The following ANGPT2 variants were observed in gnomAD, a reference collection of about 807,000 sequenced individuals.
ANGPT2 encodes angiopoietin-2.
A neutral mutation model predicts 62.9 loss-of-function variants in ANGPT2; 28 were observed. That is an observed-to-expected ratio of 0.44 (90% confidence interval 0.33 to 0.61). The LOEUF is 0.61. ANGPT2 is among the 20% of genes least tolerant of loss of function. The pLI is 0.03. For missense variants in ANGPT2, 727 were observed against 594.9 expected, an observed-to-expected ratio of 1.22 and a Z score of -2.31; for synonymous variants, 284 against 207.8, an observed-to-expected ratio of 1.37 and a Z score of -3.15.
At chr8:6,541,480 G>A (rs1253057256) in intron 1 of ANGPT2, among the ~76,000 whole-genome samples, 2 of 152,190 alleles carry the variant, frequency 1.3e-5, no homozygotes, top group African/African-American at 4.8e-5. Context: ...CAGGCCTGGA[G>A]ACAGGAAACC....
chr8:6,545,447 T>C (rs1250804732), intron 1 of ANGPT2, among the ~76,000 whole-genome samples: 1 of 152,228 alleles, frequency 6.6e-6, no homozygotes, highest in Admixed American at 6.5e-5. Context: ...TGGGTGGTTT[T>C]ATTTGTCTCT....
At chr8:6,532,148 A>G (rs1296876883) in intron 2 of ANGPT2, among the ~76,000 whole-genome samples, 184 bp downstream of exon 2, 1 of 152,140 alleles carries the variant, frequency 6.6e-6, no homozygotes, top group African/African-American at 2.4e-5. Context: ...AAAAACAAAA[A>G]CAGATTTACT....
chr8:6,514,727 G>A lies in ANGPT2; in HGVS notation c.979C>T (p.Arg327Cys), dbSNP rs1162368640. 6.2e-7 allele frequency: 1 copy of A among 1,613,836 alleles called. No homozygotes were observed. The highest frequency in any genetic ancestry group is 8.5e-7 in the Non-Finnish European group (1 of 1,180,014). The stretch of plus-strand genomic sequence containing the variant: ...TGAAAATCAACGCTGCCATCCTCAC[G>A]TCGCTGAATAATTGTCCACCCGCCT... The part of the protein sequence containing the change: ...GGGGWTIIQR[R>C]EDGSVDFQRT... The change falls in exon 6 of 9, where the codon CGT becomes TGT. Residue 327 changes from arginine to cysteine, a missense_variant. Coordinates refer to ENST00000629816, the MANE Select transcript of ANGPT2 (RefSeq NM_001118887.2).
At chr8:6,537,568 A>G (rs1338823898) in intron 1 of ANGPT2, among the ~76,000 whole-genome samples, 2 of 151,344 alleles carry the variant, frequency 1.3e-5, no homozygotes, top group East Asian at 1.9e-4. Context: ...ATATGTTTAC[A>G]TTAATATATA....
chr8:6,555,282 C>A (rs1377589279), intron 1 of ANGPT2, among the ~76,000 whole-genome samples: 1 of 152,150 alleles, frequency 6.6e-6, no homozygotes. Flanking sequence ...GAGAAGGCCA[C>A]ATGGAACTTC....
intron 1 of ANGPT2, among the ~76,000 whole-genome samples, chr8:6,533,735 A>C (rs924927495): frequency 6.6e-6 from 1 of 151,912 alleles, no homozygotes; most frequent in Admixed American, 6.6e-5. Flanking sequence ...TGATTATAAA[A>C]CTGGTTCTGG....
chr8:6,513,739 C>G lies in ANGPT2; in HGVS notation c.1135G>C (p.Gly379Arg). The G allele has an allele frequency of 6.2e-7, 1 of 1,613,984 alleles. No individual in the cohort carries two copies. The highest frequency in any genetic ancestry group is 8.5e-7 in the Non-Finnish European group (1 of 1,179,942). ...VLKIHLKDWE[G>R]NEAYSLYEHF... ...TCATACAATGAGTAAGCCTCATTCC[C>G]TTCCCAGTCTTTAAGGTGTATTTTA... Residue 379 changes from glycine (G) to arginine (R), a missense_variant, in exon 7 of 9, where the codon GGG (glycine) becomes CGG (arginine). Gly to Arg is a moderately radical substitution (Grantham distance 125). Transcript: ENST00000629816.
At chr8:6,546,809 G>A (rs77428521) in intron 1 of ANGPT2, among the ~76,000 whole-genome samples, 4,126 of 152,218 alleles carry the variant, frequency 0.027, 98 homozygotes, top group East Asian at 0.096. Context: ...GCCTTTAATT[G>A]TAATCTCTAT....
rs865912912 is a variant in ANGPT2 at position 6,499,724 on chromosome 8, C to G, written c.*3377G>C. On this transcript the variant is annotated 3_prime_UTR_variant, in exon 9 of 9. Transcript: ENST00000629816. ...GAAGATTCTGAAGGGACTTTGTTGT[C>G]TGAGAACACATCTATTTCAGATCTG... is the stretch of plus-strand genomic sequence containing the variant. The G allele has an allele frequency of 1.3e-6, 1 of 773,134 alleles. No homozygotes were observed. The highest frequency in any genetic ancestry group is 1.4e-5 in the South Asian group (1 of 70,208). The allele number at this position is 773,134 out of a possible 1,614,324, so 47.9% of individuals were successfully genotyped here.
chr8:6,503,028 C>A lies in ANGPT2; in HGVS notation c.*73G>T, dbSNP rs563347494. On this transcript the variant is annotated 3_prime_UTR_variant, in exon 9 of 9. Coordinates refer to ENST00000629816, the MANE Select transcript of ANGPT2 (RefSeq NM_001118887.2). The stretch of plus-strand genomic sequence containing the variant: ...TGGTGGAAGAGGACACAGTGCGCAG[C>A]CGTGACTTTCAGTGCACTGGGCTTA... The A allele has an allele frequency of 6.4e-5, 100 of 1,567,638 alleles. No individual in the cohort carries two copies. In the East Asian group the frequency reaches 1.7e-3, roughly 27 times the overall value.
intron 3 of ANGPT2, among the ~76,000 whole-genome samples, chr8:6,522,321 C>T (rs893015204): frequency 1.3e-5 from 2 of 151,822 alleles, no homozygotes; most frequent in Non-Finnish European, 1.5e-5. Flanking sequence ...TGCCACTGCA[C>T]TCCAGCCTGG....
Position 6,562,923 on chromosome 8 carries a change from A to C in ANGPT2, c.12T>G (p.Ile4Met), listed in dbSNP as rs1304271747. 2.5e-6 allele frequency: 4 copies of C among 1,588,034 alleles called. No individual in the cohort carries two copies. The highest frequency in any genetic ancestry group is 8.6e-7 in the Non-Finnish European group (1 of 1,159,636). The change falls in exon 1 of 9, where the codon ATT (isoleucine) becomes ATG (methionine). Residue 4 changes from isoleucine (I) to methionine (M), a missense_variant. Ile to Met is a conservative substitution (Grantham distance 10). Transcript: ENST00000629816. ...GATCACAGCTCAGAGTAAAGAAAAC[A>C]ATCTGCCACATTCTTTCTTCAGTAA... is the stretch of plus-strand genomic sequence containing the variant. Reference protein sequence around the residue: MWQIVFFTLSCDLV... With the variant: MWQMVFFTLSCDLV...
rs529029533 is a variant in ANGPT2, at chr8:6,529,882, G to A, written c.445-2206C>T. Among the ~76,000 whole-genome samples the A allele has an allele frequency of 6.1e-5, 9 of 148,740 alleles. No individual in the cohort carries two copies. In the East Asian group the frequency reaches 7.9e-4, roughly 13 times the overall value. On this transcript the variant is annotated intron_variant, in intron 2 of 8. Coordinates refer to ENST00000629816, the MANE Select transcript of ANGPT2 (RefSeq NM_001118887.2). ...CATGATATCTAGTTTCACAATAGGCGTTTTTTTTTTAAATCATATGACGCA... is the reference window on the plus strand; with the variant it reads ...CATGATATCTAGTTTCACAATAGGCATTTTTTTTTTAAATCATATGACGCA...
At chr8:6,547,555 C>T (rs546199329) in intron 1 of ANGPT2, among the ~76,000 whole-genome samples, 3 of 152,260 alleles carry the variant, frequency 2.0e-5, no homozygotes, top group East Asian at 1.9e-4. Flanking sequence ...ATCAAAGGGG[C>T]GCAGAGTCAC....
intron 1 of ANGPT2, among the ~76,000 whole-genome samples, chr8:6,543,274 A>G (rs1034496717): frequency 1.3e-5 from 2 of 152,230 alleles, no homozygotes; most frequent in Non-Finnish European, 2.9e-5. Context: ...TCTTCTGTAC[A>G]TGAAGATGCA....
chr8:6,499,719 G>C lies in ANGPT2; in HGVS notation c.*3382C>G. On this transcript the variant is annotated 3_prime_UTR_variant, in exon 9 of 9. Coordinates refer to ENST00000629816, the MANE Select transcript of ANGPT2 (RefSeq NM_001118887.2). Reference sequence around the variant, plus strand: ...AACATGAAGATTCTGAAGGGACTTTGTTGTCTGAGAACACATCTATTTCAG... The same window carrying C: ...AACATGAAGATTCTGAAGGGACTTTCTTGTCTGAGAACACATCTATTTCAG... The C allele has an allele frequency of 2.7e-6, 2 of 745,810 alleles. No individual in the cohort carries two copies. Among genetic ancestry groups the C allele is most frequent in the Non-Finnish European group, 2.4e-6 (1 of 418,206 alleles). The allele number at this position is 745,810 out of a possible 1,614,324, so 46.2% of individuals were successfully genotyped here. A position where few individuals can be genotyped will look rare whatever the true frequency, so the allele number is the denominator to read the frequency against.
At chr8:6,516,568 C>G (rs1816314050) in intron 5 of ANGPT2, among the ~76,000 whole-genome samples, 1 of 152,134 alleles carries the variant, frequency 6.6e-6, no homozygotes, top group Non-Finnish European at 1.5e-5. Flanking sequence ...CTCTTATTTG[C>G]CTGCAGTCAA....
chr8:6,563,137 G>A lies in ANGPT2; in HGVS notation c.-203C>T. The A allele has an allele frequency of 2.0e-6, 1 of 505,072 alleles. No homozygotes were observed. The highest frequency in any genetic ancestry group is 2.8e-5 in the South Asian group (1 of 35,620). The allele number at this position is 505,072 out of a possible 1,614,324, so 31.3% of individuals were successfully genotyped here. On this transcript the variant is annotated 5_prime_UTR_variant, in exon 1 of 9. Coordinates refer to ENST00000629816, the MANE Select transcript of ANGPT2 (RefSeq NM_001118887.2). The stretch of plus-strand genomic sequence containing the variant: ...TCTCCAGGCATGCAGTAAACTGTCA[G>A]ATTGCAGTGGGAAGAACAGTCCTGC...
intron 8 of ANGPT2, among the ~76,000 whole-genome samples, chr8:6,505,210 T>TATATATATATTCTTATGTATATATAGAAC (rs1563304943): frequency 1.7e-5 from 1 of 59,032 alleles, no homozygotes; most frequent in East Asian, 1.1e-3. Flanking sequence ...ATATATAGAA[T>TATATATATATTCTTATGTATATATAGAAC]ATATATATAT....
Sources: allele counts gnomAD v4.1 joint callset (sites outside exome capture counted in the v4.1 genomes callset), GRCh38; gene constraint gnomAD v4.1.1; transcripts MANE v1.5; gene names NCBI Gene and HGNC (gene_info 2026-07-23, HGNC 2026-07-21).